ADAMTS12: variants seen among roughly 807,000 people sequenced by gnomAD.
ADAMTS12 encodes A disintegrin and metalloproteinase with thrombospondin motifs 12.
Under a neutral mutation model 167.8 loss-of-function variants are expected in ADAMTS12, and 118 were observed. The ratio of observed to expected loss-of-function variants is 0.70; its 90% CI spans 0.61 to 0.82. ADAMTS12 has a LOEUF of 0.82. ADAMTS12 is among the 40% of genes least tolerant of loss of function. The probability of loss-of-function intolerance (pLI) is 0.00; values close to 1 mark genes in which losing one functional copy is unlikely to be tolerated. For missense variants in ADAMTS12, 1,916 were observed against 1,998.8 expected (o/e 0.96, Z 0.79); for synonymous variants, 704 against 716.9 (o/e 0.98, Z 0.29).
chr5:33,825,839 A>G (rs1748045054), intron 2 of ADAMTS12, among the ~76,000 whole-genome samples: 1 of 152,202 alleles, frequency 6.6e-6, no homozygotes, highest in Admixed American at 6.5e-5. Context: ...TCCTCCGTGG[A>G]GACCTTGCTA....
At chr5:33,661,869 C>G in intron 6 of ADAMTS12, 47 bp downstream of exon 6, 2 of 1,609,262 alleles carry the variant, frequency 1.2e-6, no homozygotes, top group Non-Finnish European at 1.7e-6. Context: ...CACCTGCCAT[C>G]CCTCCCTGCT....
intron 2 of ADAMTS12, among the ~76,000 whole-genome samples, chr5:33,766,440 G>C (rs1480936079): frequency 6.6e-6 from 1 of 152,142 alleles, no homozygotes; most frequent in Admixed American, 6.6e-5. Flanking sequence ...TGGTGGCCTG[G>C]ATATTCCTAG....
intron 9 of ADAMTS12, 81 bp from the exon 10 acceptor site, chr5:33,643,551 T>G: frequency 5.8e-6 from 7 of 1,200,910 alleles, no homozygotes; most frequent in Non-Finnish European, 8.6e-6. Context: ...ATATGCACAC[T>G]CATCCACACA....
intron 19 of ADAMTS12, among the ~76,000 whole-genome samples, chr5:33,572,750 G>A (rs1293753051): frequency 4.7e-5 from 7 of 148,360 alleles, no homozygotes; most frequent in African/African-American, 1.8e-4. Context: ...TCTGGCCAGG[G>A]CAATTAGGCA....
At chr5:33,654,700 G>A (rs1266743380) in intron 7 of ADAMTS12, among the ~76,000 whole-genome samples, 1 of 152,182 alleles carries the variant, frequency 6.6e-6, no homozygotes, top group Non-Finnish European at 1.5e-5. Flanking sequence ...TCACACAGAT[G>A]CAAGTCTAGG....
At chr5:33,798,753 A>G (rs912393927) in intron 2 of ADAMTS12, among the ~76,000 whole-genome samples, 8 of 152,022 alleles carry the variant, frequency 5.3e-5, no homozygotes, top group African/African-American at 1.9e-4. Context: ...TCTTATAAGA[A>G]TTGTGGTTCT....
At chr5:33,769,826 C>A (rs1745676854) in intron 2 of ADAMTS12, among the ~76,000 whole-genome samples, 1 of 152,152 alleles carries the variant, frequency 6.6e-6, no homozygotes, top group Admixed American at 6.5e-5. Flanking sequence ...TTTTTGGGGT[C>A]TCAGGTTTTG....
Position 33,588,626 on chromosome 5 carries a change from C to T in ADAMTS12, c.2838G>A (p.Ser946=), listed in dbSNP as rs1747479066. The change falls in exon 18 of 24, where the codon TCG becomes TCA. Residue 946 remains serine (S), a synonymous_variant. Transcript: ENST00000504830. ...LSCNRDILCP[S]DWTVGNWSEC... ...CACTCCAGTTGCCCACTGTCCAGTC[C>T]GAGGGGCACAGGATGTCTCTGTTGC... 1 of 1,613,966 alleles carries T rather than the reference C, an allele frequency of 6.2e-7. No homozygotes were observed. Among genetic ancestry groups the T allele is most frequent in the Admixed American group, 1.7e-5 (1 of 59,976 alleles).
chr5:33,585,098 T>C (rs1747278342), intron 18 of ADAMTS12, among the ~76,000 whole-genome samples: 1 of 152,112 alleles, frequency 6.6e-6, no homozygotes, highest in South Asian at 2.1e-4. Context: ...AGGAAAAAGA[T>C]GGCATAGGTT....
intron 2 of ADAMTS12, among the ~76,000 whole-genome samples, chr5:33,800,998 G>T (rs1483796341): frequency 2.0e-5 from 3 of 152,176 alleles, no homozygotes; most frequent in African/African-American, 7.2e-5. Context: ...GAATGCAGAA[G>T]ATTTGACACA....
At chr5:33,755,313 G>A (rs1346658872) in intron 2 of ADAMTS12, among the ~76,000 whole-genome samples, 1 of 152,170 alleles carries the variant, frequency 6.6e-6, no homozygotes, top group Middle Eastern at 3.2e-3. Flanking sequence ...GAGAAATATG[G>A]CAAGCCCAGA....
chr5:33,800,679 T>C (rs903049401), intron 2 of ADAMTS12, among the ~76,000 whole-genome samples: 1 of 152,144 alleles, frequency 6.6e-6, no homozygotes, highest in Non-Finnish European at 1.5e-5. Flanking sequence ...AGACTAAGGA[T>C]TGTAGAGGAT....
intron 14 of ADAMTS12, among the ~76,000 whole-genome samples, chr5:33,623,890 G>A (rs1049013743): frequency 2.6e-5 from 4 of 152,158 alleles, no homozygotes; most frequent in South Asian, 4.1e-4. Context: ...CTGTTCCAAT[G>A]CCATTGGCTT....
chr5:33,743,290 G>A (rs1163051805), intron 3 of ADAMTS12, among the ~76,000 whole-genome samples: 1 of 152,198 alleles, frequency 6.6e-6, no homozygotes, highest in African/African-American at 2.4e-5. Context: ...GTGGGGGAAG[G>A]CAGCACTATT....
chr5:33,626,488 G>A (rs1306792468), intron 13 of ADAMTS12, among the ~76,000 whole-genome samples: 1 of 151,360 alleles, frequency 6.6e-6, no homozygotes, highest in Non-Finnish European at 1.5e-5. Flanking sequence ...GGTAGTGGTG[G>A]TGGTCATTTG....
At chr5:33,617,652 G>A (rs1380563695) in intron 14 of ADAMTS12, among the ~76,000 whole-genome samples, 2 of 152,072 alleles carry the variant, frequency 1.3e-5, no homozygotes, top group African/African-American at 2.4e-5. Context: ...AATGCCCTCC[G>A]AGTGTTGCTA....
At position 33,711,316 on chromosome 5, in the gene ADAMTS12, C is replaced by T. The variant is rs572011273; in HGVS notation, c.635-27261G>A. ...TATTTCTCTCAGGGGTGTCCACCCT[C>T]GGTGACCCAGCCCAGTTGCTAGATA... On this transcript the variant is annotated intron_variant, in intron 3 of 23. Coordinates refer to ENST00000504830, the MANE Select transcript of ADAMTS12 (RefSeq NM_030955.4). Among the ~76,000 whole-genome samples the T allele has an allele frequency of 1.5e-3, 227 of 152,282 alleles. 2 individuals are homozygous for T. Among genetic ancestry groups the T allele is most frequent in the African/African-American group, 5.2e-3 (217 of 41,570 alleles).
chr5:33,760,445 A>T (rs551033749), intron 2 of ADAMTS12, among the ~76,000 whole-genome samples: 3 of 152,346 alleles, frequency 2.0e-5, no homozygotes, highest in Non-Finnish European at 4.4e-5. Flanking sequence ...TTGCATTTGA[A>T]ATGTAAAATA....
At chr5:33,630,289 G>T (rs1330511670) in intron 13 of ADAMTS12, among the ~76,000 whole-genome samples, 3 of 152,140 alleles carry the variant, frequency 2.0e-5, no homozygotes, top group Admixed American at 1.3e-4. Context: ...AATTTATATA[G>T]ACTTGATTAA....
Sources: gnomAD v4.1 joint callset for allele counts (sites outside exome capture counted in the v4.1 genomes callset) on GRCh38, gnomAD v4.1.1 for gene constraint, MANE v1.5 for transcripts, NCBI Gene and HGNC (gene_info 2026-07-23, HGNC 2026-07-21) for gene names.